The following PCDHGA6 variants were observed in gnomAD, a reference collection of about 807,000 sequenced individuals.
PCDHGA6 encodes protocadherin gamma subfamily A, 6.
A neutral mutation model predicts 60.6 loss-of-function variants in PCDHGA6; 41 were observed. The observed-to-expected ratio is 0.68, with a 90% CI of 0.53 to 0.88. The LOEUF (loss-of-function observed/expected upper bound fraction) is 0.88. Among genes scored for constraint, PCDHGA6 ranks in the 40% least tolerant of loss-of-function variants. The pLI, the probability that PCDHGA6 is intolerant of heterozygous loss-of-function variation, is 0.00. For synonymous variants in PCDHGA6, 594 were observed against 524.4 expected, an observed-to-expected ratio of 1.13 and a Z score of -1.81; for missense variants, 1,312 against 1,203.0, an observed-to-expected ratio of 1.09 and a Z score of -1.34.
At chr5:141,393,218 C>G (rs1157907229) in intron 1 of PCDHGA6, 2 of 1,613,598 alleles carry the variant, frequency 1.2e-6, no homozygotes, top group Admixed American at 3.3e-5. Flanking sequence ...AATTCCAGGT[C>G]GAAGATCTAG....
Position 141,375,121 on chromosome 5 carries a change from A to G in PCDHGA6, c.1038A>G (p.Glu346=), listed in dbSNP as rs1483677104. Reference sequence around the variant, plus strand: ...TGGATGTCAATGATAATGTACCAGAAGTGGTTGTTACATCTGGAAGCAGAA... The same window carrying G: ...TGGATGTCAATGATAATGTACCAGAGGTGGTTGTTACATCTGGAAGCAGAA... ...TILDVNDNVP[E]VVVTSGSRTI... The change falls in exon 1 of 4, where the codon GAA becomes GAG. Residue 346 remains glutamate (E), a synonymous_variant. Coordinates refer to ENST00000517434, the MANE Select transcript of PCDHGA6 (RefSeq NM_018919.3). The G allele has an allele frequency of 6.2e-7, 1 of 1,613,942 alleles. No homozygotes were observed. Among genetic ancestry groups the G allele is most frequent in the Non-Finnish European group, 8.5e-7 (1 of 1,179,872 alleles).
intron 1 of PCDHGA6, chr5:141,385,164 T>A (rs758100484): frequency 9.3e-6 from 15 of 1,614,168 alleles, no homozygotes; most frequent in Non-Finnish European, 1.3e-5. Flanking sequence ...CCTATTCCCA[T>A]GAGGTCTCCC....
At chr5:141,441,932 C>A in intron 1 of PCDHGA6, 1 of 347,904 alleles carries the variant, frequency 2.9e-6, no homozygotes. Flanking sequence ...GCGTGGCTGT[C>A]CTACCACGTG....
intron 1 of PCDHGA6, chr5:141,392,075 TG>T (rs2092461871): frequency 6.6e-6 from 1 of 152,236 alleles, no homozygotes. Context: ...GTAATTCAAG[TG>T]GCATTTAGAA....
chr5:141,389,750 C>A (rs751642051), intron 1 of PCDHGA6: 4 of 1,612,642 alleles, frequency 2.5e-6, no homozygotes, highest in African/African-American at 2.7e-5. Context: ...TGCGCACGGG[C>A]GAAGTGCGCA....
rs374159387 is a variant in PCDHGA6, at chr5:141,385,182, G to A, written c.2424+8675G>A. 154 of 1,614,138 alleles carry A rather than the reference G, an allele frequency of 9.5e-5. 1 individual carries two copies. The African/African-American group carries it at 1.3e-3, about 14-fold the overall frequency. ...ATTCCCATGAGGTCTCCCTCACCGC[G>A]GACTCTCGGAAGAGTCACCTGATCT... On this transcript the variant is annotated intron_variant, in intron 1 of 3. Coordinates refer to ENST00000517434, the MANE Select transcript of PCDHGA6 (RefSeq NM_018919.3).
intron 1 of PCDHGA6, chr5:141,399,826 G>C (rs2093897872): frequency 1.2e-6 from 2 of 1,613,066 alleles, no homozygotes; most frequent in Non-Finnish European, 1.7e-6. Context: ...GGGTCCCGAC[G>C]GCTCTGCGCT....
In PCDHGA6 at chr5:141,408,212, A is replaced by C. The variant is rs1360693546; in HGVS notation, c.2424+31705A>C. ...AGAACCCGAGCGAACGATGGGAGGGAGCTGCGCGCAGAGGCGCCGGGCCGG... is the reference window on the plus strand; with the variant it reads ...AGAACCCGAGCGAACGATGGGAGGGCGCTGCGCGCAGAGGCGCCGGGCCGG... On this transcript the variant is annotated intron_variant, in intron 1 of 3. Coordinates refer to ENST00000517434, the MANE Select transcript of PCDHGA6 (RefSeq NM_018919.3). 1.9e-6 allele frequency: 3 copies of C among 1,554,492 alleles called. No individual in the cohort carries two copies. In the Admixed American group the frequency reaches 5.9e-5, roughly 30 times the overall value.
intron 1 of PCDHGA6, among the ~76,000 whole-genome samples, chr5:141,481,836 G>A (rs1435746995): frequency 2.7e-5 from 4 of 150,638 alleles, no homozygotes; most frequent in Non-Finnish European, 5.9e-5. Context: ...CAGGAGAATC[G>A]CTTGATGGTG....
intron 1 of PCDHGA6, chr5:141,400,422 T>C (rs1460679509): frequency 1.2e-6 from 2 of 1,613,936 alleles, no homozygotes; most frequent in Non-Finnish European, 1.7e-6. Flanking sequence ...TCCTAAAATG[T>C]AGTGAGCAAT....
intron 1 of PCDHGA6, chr5:141,411,158 A>T (rs1384845652): frequency 6.6e-6 from 1 of 152,212 alleles, no homozygotes; most frequent in Admixed American, 6.5e-5. Context: ...TCAAGTTCTG[A>T]CTATCGAACA....
intron 1 of PCDHGA6, chr5:141,385,340 C>A: frequency 6.4e-7 from 1 of 1,570,860 alleles, no homozygotes; most frequent in Non-Finnish European, 8.6e-7. Flanking sequence ...CCAGCCCTTC[C>A]TTTATTTCCA....
In PCDHGA6 at chr5:141,476,073, A is replaced by C. The variant is rs765071344; in HGVS notation, c.2425-18734A>C. On this transcript the variant is annotated intron_variant, in intron 1 of 3. Coordinates refer to ENST00000517434, the MANE Select transcript of PCDHGA6 (RefSeq NM_018919.3). The surrounding 1 kb of genome is among the most constrained non-coding windows in gnomAD (Gnocchi z 7.6). ...GCTGAAAGTTTCTCAGCGAAATCTC[A>C]GGGACGATCTGGACCCCGCTGAGAG... 4 of 1,524,010 alleles carry C rather than the reference A, an allele frequency of 2.6e-6. No individual in the cohort carries two copies. Among genetic ancestry groups the C allele is most frequent in the Admixed American group, 4.2e-5 (2 of 47,746 alleles). The allele number at this position is 1,524,010 out of a possible 1,614,324, so 94.4% of individuals were successfully genotyped here. A position where few individuals can be genotyped will look rare whatever the true frequency, so the allele number is the denominator to read the frequency against.
At chr5:141,403,444 G>A (rs2094408321) in intron 1 of PCDHGA6, 1 of 1,613,906 alleles carries the variant, frequency 6.2e-7, no homozygotes, top group African/African-American at 1.3e-5. Flanking sequence ...ATGTTGGCGT[G>A]AACTCCCTCC....
intron 1 of PCDHGA6, among the ~76,000 whole-genome samples, chr5:141,456,969 A>G (rs2098901241): frequency 1.4e-5 from 2 of 147,268 alleles, no homozygotes; most frequent in Non-Finnish European, 3.1e-5. Flanking sequence ...TCTCAAAACA[A>G]AACAAACAAA....
intron 1 of PCDHGA6, chr5:141,383,154 C>A: frequency 6.2e-7 from 1 of 1,614,112 alleles, no homozygotes; most frequent in South Asian, 1.1e-5. Context: ...GCAGCTTGGT[C>A]ACTGCGGGCA....
intron 1 of PCDHGA6, chr5:141,417,591 C>T (rs1287721863): frequency 2.1e-6 from 1 of 484,478 alleles, no homozygotes; most frequent in East Asian, 3.4e-5. Context: ...CACAGAGCCT[C>T]TGGGCGCCGC....
chr5:141,431,670 T>C lies in PCDHGA6; in HGVS notation c.2424+55163T>C, dbSNP rs767342240. 1 of 1,614,070 alleles carries C rather than the reference T, an allele frequency of 6.2e-7. No homozygotes were observed. The highest frequency in any genetic ancestry group is 8.5e-7 in the Non-Finnish European group (1 of 1,180,026). On this transcript the variant is annotated intron_variant, in intron 1 of 3. Coordinates refer to ENST00000517434, the MANE Select transcript of PCDHGA6 (RefSeq NM_018919.3). This position sits in a 1 kb window ranked among gnomAD's most constrained non-coding sequence, Gnocchi z 4.8. ...TGTAATTCAGGGACAATATCAACAATAGGGGAGTTGGACCACGAGGAGTCA... is the reference window on the plus strand; with the variant it reads ...TGTAATTCAGGGACAATATCAACAACAGGGGAGTTGGACCACGAGGAGTCA...
intron 1 of PCDHGA6, chr5:141,405,066 T>G: frequency 1.2e-6 from 2 of 1,613,866 alleles, no homozygotes; most frequent in South Asian, 2.2e-5. Context: ...TGTGTCTTCC[T>G]CACCTTCGTT....
Sources: gnomAD v4.1 joint callset for allele counts (sites outside exome capture counted in the v4.1 genomes callset) on GRCh38, gnomAD v4.1.1 for gene constraint, Gnocchi (gnomAD v3.1) non-coding constraint, MANE v1.5 for transcripts, NCBI Gene and HGNC (gene_info 2026-07-23, HGNC 2026-07-21) for gene names.